The following THSD4 variants were observed in gnomAD, a reference collection of about 807,000 sequenced individuals.
THSD4 encodes thrombospondin type-1 domain-containing protein 4.
THSD4 carries 69 observed loss-of-function variants against 119.0 expected under a neutral mutation model. The observed-to-expected ratio is 0.58, with a 90% CI of 0.48 to 0.71. THSD4 has a LOEUF of 0.71. Ranked by LOEUF, THSD4 falls within the 30% of genes least tolerant of loss-of-function variation. The pLI is 0.00. For missense variants in THSD4, 1,393 were observed against 1,391.1 expected (o/e 1.00, Z -0.02); for synonymous variants, 524 against 540.4 (o/e 0.97, Z 0.42).
chr15:71,776,568 C>T (rs1298867013), intron 17 of THSD4, among the ~76,000 whole-genome samples: 1 of 152,086 alleles, frequency 6.6e-6, no homozygotes, highest in Non-Finnish European at 1.5e-5. Context: ...GGAACATAAA[C>T]AGTTATACCG....
At chr15:71,713,658 C>T (rs2052555892) in intron 8 of THSD4, among the ~76,000 whole-genome samples, 1 of 152,134 alleles carries the variant, frequency 6.6e-6, no homozygotes, top group South Asian at 2.1e-4. Flanking sequence ...AGCTTTGCCA[C>T]CAAATCGGAC....
chr15:71,396,300 GCACA>G (rs142856960), intron 6 of THSD4, among the ~76,000 whole-genome samples: 5 of 142,760 alleles, frequency 3.5e-5, no homozygotes, highest in Middle Eastern at 5.2e-3. Flanking sequence ...GCGTACATAT[GCACA>G]CACACACACA....
At chr15:71,386,368 T>G (rs1414847822) in intron 6 of THSD4, among the ~76,000 whole-genome samples, 6 of 151,850 alleles carry the variant, frequency 4.0e-5, no homozygotes, top group African/African-American at 1.5e-4. Flanking sequence ...AGGACTAACA[T>G]AAGGATGTAC....
chr15:71,694,802 G>A (rs566496365), intron 8 of THSD4, among the ~76,000 whole-genome samples: 10 of 152,192 alleles, frequency 6.6e-5, no homozygotes, highest in South Asian at 2.1e-4. Flanking sequence ...CCCCTTGATA[G>A]CACTGAAGAC....
intron 7 of THSD4, among the ~76,000 whole-genome samples, chr15:71,614,987 G>A (rs1196614133): frequency 5.3e-5 from 8 of 152,150 alleles, no homozygotes; most frequent in Admixed American, 1.3e-4. Flanking sequence ...GAGGTGTTGC[G>A]CGGAATAGGA....
chr15:71,540,503 A>G (rs1458608391), intron 7 of THSD4, among the ~76,000 whole-genome samples: 1 of 139,040 alleles, frequency 7.2e-6, no homozygotes, highest in Non-Finnish European at 1.5e-5. Context: ...ATCTTGGCTC[A>G]CTGCAACCTC....
At chr15:71,436,495 G>A (rs2047014779) in intron 7 of THSD4, among the ~76,000 whole-genome samples, 1 of 152,118 alleles carries the variant, frequency 6.6e-6, no homozygotes, top group African/African-American at 2.4e-5. Context: ...GACCAAGAGT[G>A]ACTGATAAGA....
intron 4 of THSD4, among the ~76,000 whole-genome samples, chr15:71,227,218 G>A (rs1278337053): frequency 6.6e-6 from 1 of 152,210 alleles, no homozygotes; most frequent in Non-Finnish European, 1.5e-5. Context: ...TTCATTAAGT[G>A]TCAGAAGTAT....
At chr15:71,658,874 C>T (rs1229401095) in intron 7 of THSD4, among the ~76,000 whole-genome samples, 2 of 152,112 alleles carry the variant, frequency 1.3e-5, no homozygotes, top group Non-Finnish European at 2.9e-5. Flanking sequence ...GGTCAATGTG[C>T]GCTTGGGAAT....
intron 8 of THSD4, among the ~76,000 whole-genome samples, chr15:71,682,853 C>CTTCTTTCT (rs2051813808): frequency 1.5e-5 from 2 of 131,246 alleles, no homozygotes; most frequent in African/African-American, 6.0e-5. Flanking sequence ...CCCTCTTTTG[C>CTTCTTTCT]TACTTTCTTT....
intron 6 of THSD4, among the ~76,000 whole-genome samples, chr15:71,368,500 T>A: frequency 6.6e-6 from 1 of 152,230 alleles, no homozygotes; most frequent in African/African-American, 2.4e-5. Context: ...GCTTTCCACA[T>A]ATGGCTAGCC....
chr15:71,280,762 C>T (rs996507866), intron 6 of THSD4, among the ~76,000 whole-genome samples: 4 of 152,004 alleles, frequency 2.6e-5, no homozygotes, highest in African/African-American at 7.3e-5. Flanking sequence ...GTGTCTAAAC[C>T]GAGCCAGGGA....
At chr15:71,371,568 G>A (rs545238471) in intron 6 of THSD4, among the ~76,000 whole-genome samples, 22 of 152,270 alleles carry the variant, frequency 1.4e-4, no homozygotes, top group African/African-American at 5.1e-4. Context: ...GAAATTCTAG[G>A]TTGAAAATTC....
At chr15:71,611,016 G>A (rs543256148) in intron 7 of THSD4, among the ~76,000 whole-genome samples, 8 of 152,300 alleles carry the variant, frequency 5.3e-5, no homozygotes, top group South Asian at 2.1e-4. Context: ...GATAAACAAC[G>A]TGTTACCCTA....
chr15:71,475,350 C>T (rs1287757740), intron 7 of THSD4, among the ~76,000 whole-genome samples: 1 of 152,158 alleles, frequency 6.6e-6, no homozygotes, highest in Non-Finnish European at 1.5e-5. Flanking sequence ...CCAAATTGTT[C>T]CCCATTTTGT....
intron 8 of THSD4, among the ~76,000 whole-genome samples, chr15:71,720,013 T>G (rs2141110043): frequency 7.0e-6 from 1 of 142,624 alleles, no homozygotes; most frequent in South Asian, 2.2e-4. Context: ...TGCTGTGTAA[T>G]AACATGTGCT....
intron 4 of THSD4, among the ~76,000 whole-genome samples, chr15:71,240,917 A>G (rs899070655): frequency 2.0e-5 from 3 of 152,162 alleles, no homozygotes; most frequent in African/African-American, 7.2e-5. Flanking sequence ...AGTGTTGCCA[A>G]GATTAATTGA....
intron 7 of THSD4, among the ~76,000 whole-genome samples, chr15:71,568,568 C>CTTTTTTTTTTTTT (rs61430926): frequency 7.3e-6 from 1 of 137,870 alleles, no homozygotes. Flanking sequence ...CTCTTTTTCT[C>CTTTTTTTTTTTTT]TTTTTTTTTT....
intron 3 of THSD4, among the ~76,000 whole-genome samples, chr15:71,156,237 C>T (rs1019681052): frequency 6.6e-6 from 1 of 151,678 alleles, no homozygotes; most frequent in Admixed American, 6.6e-5. Context: ...AGTTGGTCGG[C>T]TCCTTTTCTG....
Sources: gnomAD v4.1 joint callset for allele counts (sites outside exome capture counted in the v4.1 genomes callset) on GRCh38, gnomAD v4.1.1 for gene constraint, MANE v1.5 for transcripts, NCBI Gene and HGNC (gene_info 2026-07-23, HGNC 2026-07-21) for gene names.